The following ZNF407 variants were observed in gnomAD, a reference collection of about 807,000 sequenced individuals.
ZNF407 encodes zinc finger protein 407.
ZNF407 carries 17 observed loss-of-function variants against 131.2 expected under a neutral mutation model. The ratio of observed to expected loss-of-function variants is 0.13; its 90% CI spans 0.09 to 0.19. The LOEUF (loss-of-function observed/expected upper bound fraction) is 0.19, where lower values mean the gene tolerates loss of function less well. ZNF407 is among the 10% of genes least tolerant of loss of function. The pLI is 1.00. For missense variants in ZNF407, 2,681 were observed against 2,830.6 expected, an observed-to-expected ratio of 0.95 and a Z score of 1.20; for synonymous variants, 1,156 against 1,062.0, an observed-to-expected ratio of 1.09 and a Z score of -1.72.
At chr18:74,930,373 C>T (rs1031616171) in intron 8 of ZNF407, among the ~76,000 whole-genome samples, 3 of 152,146 alleles carry the variant, frequency 2.0e-5, no homozygotes, top group East Asian at 1.9e-4. Flanking sequence ...CAGAATCCTC[C>T]AGTGGCAGCT....
At chr18:74,689,941 A>ACCACAATG (rs1967181150) in intron 3 of ZNF407, among the ~76,000 whole-genome samples, 1 of 152,208 alleles carries the variant, frequency 6.6e-6, no homozygotes, top group Admixed American at 6.5e-5. Flanking sequence ...TTGTGAGGAC[A>ACCACAATG]CTGGGCACCA....
chr18:74,753,271 A>C (rs1968850250), intron 3 of ZNF407, among the ~76,000 whole-genome samples: 1 of 142,072 alleles, frequency 7.0e-6, no homozygotes, highest in South Asian at 2.1e-4. Context: ...TATCAGCTTA[A>C]GTTTTCTAAA....
chr18:74,868,569 A>G (rs1037036226), intron 4 of ZNF407, among the ~76,000 whole-genome samples: 9 of 152,220 alleles, frequency 5.9e-5, no homozygotes, highest in Non-Finnish European at 1.0e-4. Flanking sequence ...AAATTGTGCA[A>G]CTTGATTGCT....
At chr18:74,722,422 C>G (rs773761735) in intron 3 of ZNF407, among the ~76,000 whole-genome samples, 1 of 152,182 alleles carries the variant, frequency 6.6e-6, no homozygotes, top group South Asian at 2.1e-4. Context: ...GCTAGCCTGT[C>G]AGTTGCTCAA....
chr18:74,619,522 C>A (rs1173329371), intron 1 of ZNF407, among the ~76,000 whole-genome samples: 1 of 152,152 alleles, frequency 6.6e-6, no homozygotes, highest in Non-Finnish European at 1.5e-5. Flanking sequence ...CATATACTAA[C>A]TTTTATCTTG....
chr18:74,830,042 T>C (rs1194634029), intron 4 of ZNF407, among the ~76,000 whole-genome samples: 5 of 152,008 alleles, frequency 3.3e-5, no homozygotes, highest in South Asian at 2.1e-4. Context: ...GAAGAGACCA[T>C]AGGGAATGAG....
chr18:74,821,592 A>G (rs1462774699), intron 4 of ZNF407, among the ~76,000 whole-genome samples: 1 of 152,144 alleles, frequency 6.6e-6, no homozygotes. Context: ...CCTGCACAGG[A>G]CATGAACTCA....
chr18:74,707,221 G>C (rs1225544078), intron 3 of ZNF407, among the ~76,000 whole-genome samples: 2 of 152,166 alleles, frequency 1.3e-5, no homozygotes, highest in Admixed American at 1.3e-4. Flanking sequence ...AAAGTGCTGG[G>C]ATTACAGGAG....
chr18:74,701,155 C>T (rs529085957), intron 3 of ZNF407, among the ~76,000 whole-genome samples: 1 of 152,244 alleles, frequency 6.6e-6, no homozygotes, highest in Non-Finnish European at 1.5e-5. Context: ...CCCAGGCTTG[C>T]AGATGGTGGT....
chr18:74,966,861 T>G (rs553190456), intron 8 of ZNF407, among the ~76,000 whole-genome samples: 10 of 152,340 alleles, frequency 6.6e-5, no homozygotes, highest in Middle Eastern at 3.4e-3. Flanking sequence ...GTATTCATTA[T>G]AGAGATCTTT....
At chr18:74,731,757 G>C (rs897146132) in intron 3 of ZNF407, among the ~76,000 whole-genome samples, 2 of 152,122 alleles carry the variant, frequency 1.3e-5, no homozygotes, top group African/African-American at 4.8e-5. Flanking sequence ...CAAAGTCCAG[G>C]ATGCAGAAGG....
chr18:74,941,083 T>A (rs58306867), intron 8 of ZNF407, among the ~76,000 whole-genome samples: 33,861 of 151,964 alleles, frequency 0.22, 4,934 homozygotes, highest in African/African-American at 0.4. Context: ...GGCCCGTCCT[T>A]GCCTTGCCCT....
chr18:74,775,371 T>C (rs952141345), intron 3 of ZNF407, among the ~76,000 whole-genome samples: 1 of 152,228 alleles, frequency 6.6e-6, no homozygotes, highest in Non-Finnish European at 1.5e-5. Context: ...ATAGTTCAAC[T>C]GTGTTACATA....
chr18:74,731,467 A>G (rs1968292484), intron 3 of ZNF407, among the ~76,000 whole-genome samples: 1 of 152,316 alleles, frequency 6.6e-6, no homozygotes, highest in East Asian at 1.9e-4. Context: ...GTGAACAAAA[A>G]CAATTCTATC....
At chr18:74,825,910 A>T (rs1433422113) in intron 4 of ZNF407, among the ~76,000 whole-genome samples, 1 of 152,208 alleles carries the variant, frequency 6.6e-6, no homozygotes, top group Non-Finnish European at 1.5e-5. Flanking sequence ...TGAGATGGGA[A>T]CTGTGACTTG....
intron 4 of ZNF407, among the ~76,000 whole-genome samples, chr18:74,867,690 G>A (rs150705836): frequency 1.4e-3 from 209 of 152,304 alleles, no homozygotes; most frequent in African/African-American, 4.9e-3. Context: ...ATTCTATGCA[G>A]ATATACCGTG....
intron 3 of ZNF407, among the ~76,000 whole-genome samples, chr18:74,731,334 G>A (rs375067155): frequency 5.8e-4 from 88 of 152,252 alleles, no homozygotes; most frequent in African/African-American, 1.8e-3. Flanking sequence ...TGTACTAGTC[G>A]AATTCCATCC....
chr18:74,902,241 C>T (rs1331356119), intron 7 of ZNF407, among the ~76,000 whole-genome samples: 4 of 152,164 alleles, frequency 2.6e-5, no homozygotes, highest in Non-Finnish European at 5.9e-5. Flanking sequence ...GTGCCTGGGC[C>T]GGGGCTCACA....
chr18:74,836,468 C>G (rs777405025), intron 4 of ZNF407, among the ~76,000 whole-genome samples: 2 of 152,208 alleles, frequency 1.3e-5, no homozygotes, highest in African/African-American at 4.8e-5. Context: ...CTGCCCTTCC[C>G]GAGTGAGCCC....
Sources: gnomAD v4.1 joint callset for allele counts (sites outside exome capture counted in the v4.1 genomes callset) on GRCh38, gnomAD v4.1.1 for gene constraint, MANE v1.5 for transcripts, NCBI Gene and HGNC (gene_info 2026-07-23, HGNC 2026-07-21) for gene names.